Variants in PCDH11X observed in about 807,000 individuals in gnomAD.
PCDH11X encodes protocadherin 11 X-linked.
In PCDH11X, 18 loss-of-function variants were observed where a neutral mutation model predicts 53.3. That is an observed-to-expected ratio of 0.34 (90% CI 0.23 to 0.50). The LOEUF (loss-of-function observed/expected upper bound fraction) is 0.50. Among genes scored for constraint, PCDH11X ranks in the 20% least tolerant of loss-of-function variants. PCDH11X has a pLI of 0.98. For synonymous variants in PCDH11X, 279 were observed against 393.3 expected (o/e 0.71, Z 3.44); for missense variants, 570 against 1,032.4 (o/e 0.55, Z 6.14).
chrX:92,482,820 C>T (rs2073538416), intron 10 of PCDH11X, among the ~76,000 whole-genome samples: 1 of 109,769 alleles, frequency 9.1e-6, no homozygotes, highest in Non-Finnish European at 1.9e-5. Context: ...TCTTAGTCTT[C>T]AAAGTTTTAT....
chrX:92,563,231 G>A (rs1921029682), intron 10 of PCDH11X, among the ~76,000 whole-genome samples: 1 of 106,804 alleles, frequency 9.4e-6, no homozygotes, highest in Admixed American at 1.0e-4. Context: ...GGCAATGGGG[G>A]AGCAATTATG....
At chrX:91,911,355 A>T (rs747379027) in intron 6 of PCDH11X, among the ~76,000 whole-genome samples, 1 of 110,366 alleles carries the variant, frequency 9.1e-6, no homozygotes, top group Admixed American at 9.8e-5. Context: ...GTGTATAATT[A>T]TAGGCTACAT....
At chrX:91,865,040 G>A (rs1392636283) in intron 5 of PCDH11X, among the ~76,000 whole-genome samples, 1 of 110,541 alleles carries the variant, frequency 9.0e-6, no homozygotes, top group Non-Finnish European at 1.9e-5. Context: ...TTCATTTGGT[G>A]CGATCACGTT....
chrX:92,014,355 G>C (rs1488488973), intron 6 of PCDH11X, among the ~76,000 whole-genome samples: 2 of 111,164 alleles, frequency 1.8e-5, no homozygotes, highest in African/African-American at 6.6e-5. Flanking sequence ...ACACCAGTTA[G>C]AATGGCAATC....
intron 5 of PCDH11X, among the ~76,000 whole-genome samples, chrX:91,841,383 A>G (rs1364038659): frequency 9.0e-6 from 1 of 111,429 alleles, no homozygotes; most frequent in Admixed American, 9.6e-5. Context: ...GGAATTTATA[A>G]ATTGAGGCTC....
intron 5 of PCDH11X, among the ~76,000 whole-genome samples, chrX:91,841,761 A>G (rs1023378440): frequency 9.4e-6 from 1 of 105,884 alleles, no homozygotes; most frequent in African/African-American, 3.4e-5. Flanking sequence ...TTCTTGGCAT[A>G]AATTATTCTT....
chrX:92,128,739 A>G (rs2064917634), intron 6 of PCDH11X, among the ~76,000 whole-genome samples: 1 of 110,753 alleles, frequency 9.0e-6, no homozygotes, highest in African/African-American at 3.3e-5. Flanking sequence ...TTAATCAGAA[A>G]ATAATTTTTT....
At chrX:91,972,832 T>G (rs772372437) in intron 6 of PCDH11X, among the ~76,000 whole-genome samples, 1 of 111,424 alleles carries the variant, frequency 9.0e-6, no homozygotes, top group East Asian at 2.9e-4. Context: ...GCTGTTTTGG[T>G]TACTGTAGCC....
intron 6 of PCDH11X, among the ~76,000 whole-genome samples, chrX:92,029,139 G>A (rs1363396337): frequency 1.8e-5 from 2 of 111,553 alleles, no homozygotes; most frequent in East Asian, 5.7e-4. Context: ...CAGTTTGTTG[G>A]CAAAATGCAC....
intron 1 of PCDH11X, among the ~76,000 whole-genome samples, chrX:91,782,592 G>T (rs1193289638): frequency 7.4e-5 from 8 of 107,902 alleles, no homozygotes; most frequent in African/African-American, 2.0e-4. Flanking sequence ...ATTGTGAGGT[G>T]GGGGAGGGTT....
At chrX:91,861,465 T>C (rs1274876889) in intron 5 of PCDH11X, among the ~76,000 whole-genome samples, 1 of 109,041 alleles carries the variant, frequency 9.2e-6, no homozygotes, top group Non-Finnish European at 1.9e-5. Context: ...AAAGAAGCAA[T>C]CTGGCCACAG....
intron 10 of PCDH11X, among the ~76,000 whole-genome samples, chrX:92,572,202 T>C (rs1922291128): frequency 8.9e-6 from 1 of 112,231 alleles, no homozygotes; most frequent in African/African-American, 3.2e-5. Context: ...AAACTTCTTA[T>C]TGCAAATTAT....
chrX:92,376,426 C>G, intron 8 of PCDH11X, among the ~76,000 whole-genome samples: 1 of 112,020 alleles, frequency 8.9e-6, no homozygotes, highest in Non-Finnish European at 1.9e-5. Flanking sequence ...CAAAATGTAA[C>G]AAACACACTG....
chrX:92,350,242 T>C (rs1190694742), intron 8 of PCDH11X, among the ~76,000 whole-genome samples: 2 of 108,993 alleles, frequency 1.8e-5, no homozygotes, highest in African/African-American at 3.4e-5. Context: ...ATCAAAGATT[T>C]CTTCTTGGTT....
chrX:92,130,399 C>T (rs1323062871), intron 6 of PCDH11X, among the ~76,000 whole-genome samples: 2 of 110,449 alleles, frequency 1.8e-5, no homozygotes, highest in Non-Finnish European at 1.9e-5. Context: ...GTAATCATGC[C>T]AGCACTTTGG....
intron 6 of PCDH11X, among the ~76,000 whole-genome samples, chrX:92,174,997 CAG>C (rs2065882605): frequency 9.1e-6 from 1 of 109,908 alleles, no homozygotes; most frequent in African/African-American, 3.3e-5. Flanking sequence ...TTTTTTGAGA[CAG>C]AGTTTCACTC....
At chrX:92,545,561 C>T (rs1298480717) in intron 10 of PCDH11X, among the ~76,000 whole-genome samples, 2 of 108,841 alleles carry the variant, frequency 1.8e-5, no homozygotes, top group Admixed American at 9.9e-5. Context: ...GCCATCATGC[C>T]GGGCTAATTT....
intron 6 of PCDH11X, among the ~76,000 whole-genome samples, chrX:92,149,690 A>G (rs1381616706): frequency 9.9e-5 from 11 of 111,189 alleles, no homozygotes; most frequent in Non-Finnish European, 2.1e-4. Flanking sequence ...CATAGTCATG[A>G]TAATTAACAT....
rs754600730 is a variant in PCDH11X, at chrX:91,998,341, C to T, written c.3033+119068C>T. 3.6e-5 allele frequency among the ~76,000 whole-genome samples: 4 copies of T among 111,562 alleles called. No individual in the cohort carries two copies. In the South Asian group the frequency reaches 1.5e-3, roughly 42 times the overall value. ...GTTGGTGAATGATTCTTCATAGTAG[C>T]CTCTTAAGATTCTTTGTATCTTTGT... On this transcript the variant is annotated intron_variant, in intron 6 of 10. Transcript: ENST00000682573.
Sources: gnomAD v4.1 joint callset for allele counts (sites outside exome capture counted in the v4.1 genomes callset) on GRCh38, gnomAD v4.1.1 for gene constraint, MANE v1.5 for transcripts, NCBI Gene and HGNC (gene_info 2026-07-23, HGNC 2026-07-21) for gene names.